The following SREBF2 variants were observed in gnomAD, a reference collection of about 807,000 sequenced individuals.
SREBF2 encodes sterol regulatory element-binding protein 2.
A neutral mutation model predicts 113.1 loss-of-function variants in SREBF2; 55 were observed. The ratio of observed to expected loss-of-function variants is 0.49; its 90% CI spans 0.39 to 0.61. SREBF2 has a LOEUF of 0.61. SREBF2 is among the 20% of genes least tolerant of loss of function. The pLI is 0.00. For synonymous variants in SREBF2, 593 were observed against 605.7 expected (o/e 0.98, Z 0.31); for missense variants, 1,349 against 1,487.4 (o/e 0.91, Z 1.53).
chr22:41,893,646 TC>T (rs1345146648), intron 12 of SREBF2, among the ~76,000 whole-genome samples: 1 of 152,166 alleles, frequency 6.6e-6, no homozygotes, highest in Admixed American at 6.5e-5. Flanking sequence ...AGGCTTGCTT[TC>T]CCTGGCCTCC....
At position 41,907,057 on chromosome 22, in the gene SREBF2, T is replaced by A. The variant is rs868390297; in HGVS notation, c.*1397T>A. On this transcript the variant is annotated 3_prime_UTR_variant, in exon 19 of 19. Coordinates refer to ENST00000361204, the MANE Select transcript of SREBF2 (RefSeq NM_004599.4). ...CACCTTGATGCAGGCTGGAATGTTA[T>A]CCCTGGGGTGTGCTTGGACCCCACC... 1 of 152,192 alleles carries A rather than the reference T, an allele frequency of 6.6e-6. No individual in the cohort carries two copies. Among genetic ancestry groups the A allele is most frequent in the African/African-American group, 2.4e-5 (1 of 41,408 alleles). 9.4% of individuals were successfully genotyped at this position (152,192 alleles called of 1,614,324 possible).
At chr22:41,880,612 C>A in intron 9 of SREBF2, 104 bp from the exon 10 acceptor site, 1 of 1,431,694 alleles carries the variant, frequency 7.0e-7, no homozygotes, top group Non-Finnish European at 9.8e-7. Context: ...TATGAGTGTG[C>A]ACTAATTCCT....
chr22:41,839,819 G>A (rs1035504633), intron 1 of SREBF2, among the ~76,000 whole-genome samples: 3 of 152,128 alleles, frequency 2.0e-5, no homozygotes, highest in Non-Finnish European at 4.4e-5. Flanking sequence ...TATGAATGAA[G>A]CTGCTACAAA....
At chr22:41,894,580 C>A (rs2077394644) in intron 12 of SREBF2, among the ~76,000 whole-genome samples, 1 of 152,118 alleles carries the variant, frequency 6.6e-6, no homozygotes, top group Admixed American at 6.6e-5. Flanking sequence ...ACACAGCACC[C>A]TCCCCCACAC....
chr22:41,834,977 A>C (rs1460276411), intron 1 of SREBF2, among the ~76,000 whole-genome samples: 1 of 152,110 alleles, frequency 6.6e-6, no homozygotes, highest in Non-Finnish European at 1.5e-5. Context: ...CTGATCCTGA[A>C]AGTGAGGCCC....
chr22:41,884,871 G>GATGTACAC lies in SREBF2; in HGVS notation c.2072_2079dup (p.Ala694TyrfsTer8). 1 of 1,614,152 alleles carries GATGTACAC rather than the reference G, an allele frequency of 6.2e-7. No homozygotes were observed. The highest frequency in any genetic ancestry group is 8.5e-7 in the Non-Finnish European group (1 of 1,180,034). On this transcript the variant is annotated frameshift_variant, in exon 11 of 19. Coordinates refer to ENST00000361204, the MANE Select transcript of SREBF2 (RefSeq NM_004599.4). LOFTEE classifies it high-confidence loss of function. ...GCTTCCTGCAGGATCCGCCTGTTCC[G>GATGTACAC]ATGTACACATGGCGTTGTGTGCCGT...
At chr22:41,841,680 TG>T (rs2076831897) in intron 1 of SREBF2, among the ~76,000 whole-genome samples, 1 of 152,236 alleles carries the variant, frequency 6.6e-6, no homozygotes, top group South Asian at 2.1e-4. Context: ...TCCTCAAATT[TG>T]TAATTAAAAA....
In SREBF2 at chr22:41,900,584, G is replaced by A. The variant is rs530744394; in HGVS notation, c.2907+86G>A. ...CCCACTCACCTCATGCTGACCCTGC[G>A]GGTGGGGCCATCCGAAAGACAGAGA... On this transcript the variant is annotated intron_variant, in intron 16 of 18. Coordinates refer to ENST00000361204, the MANE Select transcript of SREBF2 (RefSeq NM_004599.4). 63 of 1,397,996 alleles carry A rather than the reference G, an allele frequency of 4.5e-5. No homozygotes were observed. The East Asian group carries it at 1.1e-3, about 24-fold the overall frequency. The allele number at this position is 1,397,996 out of a possible 1,614,324, so 86.6% of individuals were successfully genotyped here.
chr22:41,838,554 G>A lies in SREBF2; in HGVS notation c.88+5196G>A, dbSNP rs2076799564. ...TCGAGACCAGCTTGGCCAACATGGTGAAACCCCATTTCTACTAAAGATGCA... is the reference window on the plus strand; with the variant it reads ...TCGAGACCAGCTTGGCCAACATGGTAAAACCCCATTTCTACTAAAGATGCA... On this transcript the variant is annotated intron_variant, in intron 1 of 18. Coordinates refer to ENST00000361204, the MANE Select transcript of SREBF2 (RefSeq NM_004599.4). Among the ~76,000 whole-genome samples the A allele has an allele frequency of 3.9e-5, 6 of 152,238 alleles. No individual in the cohort carries two copies. In the South Asian group the frequency reaches 1.2e-3, roughly 32 times the overall value.
intron 1 of SREBF2, among the ~76,000 whole-genome samples, chr22:41,835,652 C>T (rs2076766467): frequency 6.8e-6 from 1 of 146,248 alleles, no homozygotes; most frequent in Admixed American, 6.8e-5. Flanking sequence ...TTTTTAGAGA[C>T]AGTGTCTGGC....
At chr22:41,855,016 C>T (rs1333016876) in intron 1 of SREBF2, among the ~76,000 whole-genome samples, 1 of 136,748 alleles carries the variant, frequency 7.3e-6, no homozygotes, top group South Asian at 2.4e-4. Flanking sequence ...GCATGTGCAG[C>T]ATTAAAAAAA....
intron 3 of SREBF2, 133 bp downstream of exon 3, chr22:41,868,925 A>T (rs904726775): frequency 2.6e-6 from 3 of 1,144,534 alleles, no homozygotes; most frequent in Non-Finnish European, 2.5e-6. Context: ...GCCAGGATGC[A>T]CCTGTGAGCA....
chr22:41,844,820 T>A (rs1029055779), intron 1 of SREBF2, among the ~76,000 whole-genome samples: 9 of 151,982 alleles, frequency 5.9e-5, no homozygotes, highest in African/African-American at 2.2e-4. Flanking sequence ...TGAAAGGAAA[T>A]CATGCTTCTT....
intron 1 of SREBF2, among the ~76,000 whole-genome samples, chr22:41,840,755 G>A (rs1456188098): frequency 6.6e-6 from 1 of 152,166 alleles, no homozygotes; most frequent in Non-Finnish European, 1.5e-5. Context: ...CTGTCTTTAT[G>A]TTCTGAATTC....
At chr22:41,898,518 A>G (rs1602346655) in intron 14 of SREBF2, 131 bp from the exon 15 acceptor site, 1 of 1,225,830 alleles carries the variant, frequency 8.2e-7, no homozygotes, top group East Asian at 2.5e-5. Flanking sequence ...GTGGGAGCCC[A>G]GAGGCTGCTG....
chr22:41,841,765 C>T (rs2267439), intron 1 of SREBF2, among the ~76,000 whole-genome samples: 111,877 of 152,166 alleles, frequency 0.74, 41,565 homozygotes, highest in Admixed American at 0.81. Flanking sequence ...TCTGGATTCT[C>T]GTCTGAACAT....
In SREBF2 at chr22:41,899,457, AC is replaced by A. The variant is rs1290579973; in HGVS notation, c.2738+677del. The A allele has an allele frequency of 5.7e-5, 57 of 996,394 alleles. No individual in the cohort carries two copies. The Admixed American group carries it at 7.9e-4, about 14-fold the overall frequency. The allele number at this position is 996,394 out of a possible 1,614,324, so 61.7% of individuals were successfully genotyped here. A position where few individuals can be genotyped will look rare whatever the true frequency, so the allele number is the denominator to read the frequency against. ...AAGAGAAACTGTAAAATGCTCCAAG[AC>A]AGAAAGGCCCCACGAGGTCCTATCC... On this transcript the variant is annotated intron_variant, in intron 15 of 18. Transcript: ENST00000361204.
At chr22:41,878,535 A>T in intron 9 of SREBF2, 1 of 533,084 alleles carries the variant, frequency 1.9e-6, no homozygotes, top group Non-Finnish European at 3.3e-6. Context: ...TAGTGTGTCT[A>T]GGCCCAAATT....
At chr22:41,864,823 C>A (rs573801042) in intron 1 of SREBF2, among the ~76,000 whole-genome samples, 1 of 152,140 alleles carries the variant, frequency 6.6e-6, no homozygotes, top group South Asian at 2.1e-4. Context: ...ATGGTTGGCG[C>A]ACACCTGTGG....
Sources: allele counts gnomAD v4.1 joint callset (sites outside exome capture counted in the v4.1 genomes callset), GRCh38; gene constraint gnomAD v4.1.1; transcripts MANE v1.5; gene names NCBI Gene and HGNC (gene_info 2026-07-23, HGNC 2026-07-21).